The following FBXL17 variants were observed in gnomAD, a reference collection of about 807,000 sequenced individuals.
The protein encoded by FBXL17 is F-box and leucine rich repeat protein 17, also known as F-box/LRR-repeat protein 17.
A neutral mutation model predicts 66.2 loss-of-function variants in FBXL17; 22 were observed. The observed-to-expected ratio is 0.33, with a 90% CI of 0.24 to 0.47. The LOEUF is 0.47. Among genes scored for constraint, FBXL17 ranks in the 20% least tolerant of loss-of-function variants. The probability of loss-of-function intolerance (pLI) is 1.00; values close to 1 mark genes in which losing one functional copy is unlikely to be tolerated. For missense variants in FBXL17, 878 were observed against 948.2 expected, an observed-to-expected ratio of 0.93 and a Z score of 0.97; for synonymous variants, 474 against 400.5, an observed-to-expected ratio of 1.18 and a Z score of -2.19.
At chr5:108,198,940 G>A (rs967014160) in intron 5 of FBXL17, among the ~76,000 whole-genome samples, 6 of 152,044 alleles carry the variant, frequency 3.9e-5, no homozygotes, top group African/African-American at 1.4e-4. Context: ...GATGATAAAA[G>A]TATTTTTGAA....
chr5:108,122,017 G>A (rs917997201), intron 6 of FBXL17, among the ~76,000 whole-genome samples: 1 of 151,710 alleles, frequency 6.6e-6, no homozygotes, highest in Non-Finnish European at 1.5e-5. Context: ...GAAAACAGAT[G>A]GAATCAAATT....
chr5:108,055,294 A>C (rs1397694127), intron 6 of FBXL17, among the ~76,000 whole-genome samples: 1,573 of 92,056 alleles, frequency 0.017, 73 homozygotes, highest in African/African-American at 0.067. Context: ...AAAAAAAAAA[A>C]AAAAAAAAAA....
intron 4 of FBXL17, among the ~76,000 whole-genome samples, chr5:108,272,535 A>G (rs1561499818): frequency 6.6e-6 from 1 of 151,874 alleles, no homozygotes; most frequent in Non-Finnish European, 1.5e-5. Context: ...TTATGTTTTT[A>G]GTAGAGACAG....
chr5:108,300,024 GT>G (rs1244163777), intron 4 of FBXL17, among the ~76,000 whole-genome samples: 2 of 151,970 alleles, frequency 1.3e-5, no homozygotes, highest in Non-Finnish European at 2.9e-5. Flanking sequence ...ACAATTTTCA[GT>G]TTATAAAATT....
At chr5:107,902,577 G>A (rs1385755574) in intron 7 of FBXL17, among the ~76,000 whole-genome samples, 2 of 152,036 alleles carry the variant, frequency 1.3e-5, no homozygotes, top group African/African-American at 4.8e-5. Context: ...AGGTAAATTC[G>A]GATTATCCCT....
At chr5:108,066,351 T>C (rs929000941) in intron 6 of FBXL17, among the ~76,000 whole-genome samples, 9 of 152,178 alleles carry the variant, frequency 5.9e-5, no homozygotes, top group Admixed American at 6.5e-5. Context: ...CACATTAGCA[T>C]TGTATCTTTT....
rs1162215616 is a variant in FBXL17 at position 108,020,863 on chromosome 5, C to A, written c.1822+62G>T. The A allele has an allele frequency of 2.5e-6, 3 of 1,197,592 alleles. No individual in the cohort carries two copies. The East Asian group carries it at 7.0e-5, about 28-fold the overall frequency. 74.2% of individuals were successfully genotyped at this position (1,197,592 alleles called of 1,614,324 possible). A position where few individuals can be genotyped will look rare whatever the true frequency, so the allele number is the denominator to read the frequency against. On this transcript the variant is annotated intron_variant, in intron 7 of 8. Coordinates refer to ENST00000542267, the MANE Select transcript of FBXL17 (RefSeq NM_001163315.3). ...ATAGTTCTTGATTTCTTTTTAAGAACTTTCAATGATTTTGTAACTTTTTAT... is the reference window on the plus strand; with the variant it reads ...ATAGTTCTTGATTTCTTTTTAAGAAATTTCAATGATTTTGTAACTTTTTAT...
intron 6 of FBXL17, among the ~76,000 whole-genome samples, chr5:108,055,009 T>C (rs889454693): frequency 1.3e-5 from 2 of 152,126 alleles, no homozygotes; most frequent in Non-Finnish European, 2.9e-5. Flanking sequence ...AAGTTTGTCA[T>C]AGAGTTTTAA....
At chr5:107,943,200 T>A (rs1751171824) in intron 7 of FBXL17, among the ~76,000 whole-genome samples, 1 of 152,160 alleles carries the variant, frequency 6.6e-6, no homozygotes, top group African/African-American at 2.4e-5. Flanking sequence ...TCCCAGACTC[T>A]CCTAAGCTTT....
intron 4 of FBXL17, among the ~76,000 whole-genome samples, chr5:108,302,543 C>CA (rs1261988690): frequency 1.3e-5 from 2 of 151,708 alleles, no homozygotes; most frequent in African/African-American, 4.8e-5. Flanking sequence ...ATTCTACAAA[C>CA]AAAGACTGAA....
At chr5:107,885,295 G>A (rs55848166) in intron 7 of FBXL17, among the ~76,000 whole-genome samples, 3,937 of 152,198 alleles carry the variant, frequency 0.026, 197 homozygotes, top group African/African-American at 0.091. Context: ...TTGATGAAGG[G>A]TATACACTAA....
intron 7 of FBXL17, among the ~76,000 whole-genome samples, chr5:107,927,503 T>A (rs1835980): frequency 1 from 152,138 of 152,224 alleles, 76,029 homozygotes; most frequent in Non-Finnish European, 1. Context: ...TTTCTTTTAC[T>A]TAAAGGAGTA....
At chr5:107,953,585 A>G (rs1751571467) in intron 7 of FBXL17, among the ~76,000 whole-genome samples, 1 of 152,030 alleles carries the variant, frequency 6.6e-6, no homozygotes, top group Admixed American at 6.6e-5. Context: ...GTTCTCTTGT[A>G]TATCTGCCTT....
intron 6 of FBXL17, among the ~76,000 whole-genome samples, chr5:108,067,670 T>A (rs778264773): frequency 3.9e-5 from 6 of 152,154 alleles, no homozygotes; most frequent in Non-Finnish European, 8.8e-5. Context: ...TATTTGTAGT[T>A]TTTTATATGA....
chr5:108,184,308 C>T (rs1426767007), intron 6 of FBXL17, among the ~76,000 whole-genome samples: 3 of 151,972 alleles, frequency 2.0e-5, no homozygotes, highest in Non-Finnish European at 2.9e-5. Flanking sequence ...CTTGTTTTTT[C>T]GTTTTTTTGT....
rs185651315 is a variant in FBXL17 at position 108,086,501 on chromosome 5, A to G, written c.1746-65500T>C. Among the ~76,000 whole-genome samples, 746 of 152,236 alleles carry G rather than the reference A, an allele frequency of 4.9e-3. 9 individuals carry two copies. Among genetic ancestry groups the G allele is most frequent in the Non-Finnish European group, 6.7e-3 (459 of 68,004 alleles). On this transcript the variant is annotated intron_variant, in intron 6 of 8. Coordinates refer to ENST00000542267, the MANE Select transcript of FBXL17 (RefSeq NM_001163315.3). ...ATGTCACATAAAGCATTAATTAAAT[A>G]AATTTGTTTTTTCTCGTGTTAACCT... is the stretch of plus-strand genomic sequence containing the variant.
intron 4 of FBXL17, among the ~76,000 whole-genome samples, chr5:108,323,216 C>A (rs180794557): frequency 5.7e-4 from 86 of 151,418 alleles, no homozygotes; most frequent in Non-Finnish European, 1.2e-3. Flanking sequence ...CTAAAGGTTC[C>A]ACATACAAAA....
intron 6 of FBXL17, among the ~76,000 whole-genome samples, chr5:108,154,640 C>T (rs1209169077): frequency 3.1e-5 from 3 of 95,742 alleles, no homozygotes; most frequent in African/African-American, 4.3e-5. Context: ...CACACACACA[C>T]ACACACACAT....
intron 7 of FBXL17, among the ~76,000 whole-genome samples, chr5:107,902,786 C>G (rs765178459): frequency 3.3e-5 from 5 of 151,874 alleles, no homozygotes; most frequent in Non-Finnish European, 5.9e-5. Context: ...TTTATGCATG[C>G]ACTTTGTGGT....
Sources: allele counts gnomAD v4.1 joint callset (sites outside exome capture counted in the v4.1 genomes callset), GRCh38; gene constraint gnomAD v4.1.1; transcripts MANE v1.5; gene names NCBI Gene and HGNC (gene_info 2026-07-23, HGNC 2026-07-21).